LYZL1: variants seen among roughly 807,000 people sequenced by gnomAD.
LYZL1 encodes the protein lysozyme like 1.
In LYZL1, 16 loss-of-function variants were observed where a neutral mutation model predicts 17.9. The observed-to-expected ratio is 0.90, with a 90% confidence interval of 0.61 to 1.36. The LOEUF (loss-of-function observed/expected upper bound fraction) is 1.36, where lower values mean the gene tolerates loss of function less well. Among genes scored for constraint, LYZL1 ranks in the 40% most tolerant of loss-of-function variants. The probability of loss-of-function intolerance (pLI) is 0.00; values close to 1 mark genes in which losing one functional copy is unlikely to be tolerated. For synonymous variants in LYZL1, 58 were observed against 71.8 expected (o/e 0.81, Z 0.97); for missense variants, 149 against 188.4 (o/e 0.79, Z 1.22).
chr10:29,311,597 A>T (rs576310980), downstream of LYZL1, among the ~76,000 whole-genome samples: 1 of 152,206 alleles, frequency 6.6e-6, no homozygotes, highest in African/African-American at 2.4e-5. Context: ...ACTGTTTGAT[A>T]TTGAAATTCT....
chr10:29,300,580 T>C (rs1045371719), intron 3 of LYZL1, among the ~76,000 whole-genome samples: 2 of 152,214 alleles, frequency 1.3e-5, no homozygotes, highest in Non-Finnish European at 2.9e-5. Context: ...ATTTACTATT[T>C]CCAATACTCT....
At chr10:29,310,891 T>C in intron 4 of LYZL1, 99 bp from the exon 5 acceptor site, 1 of 1,583,770 alleles carries the variant, frequency 6.3e-7, no homozygotes, top group Non-Finnish European at 8.7e-7. Context: ...AACCCAGGGT[T>C]CCGCTGGCGA....
chr10:29,317,024 A>G (rs1196330271), intron 3 of LYZL1, among the ~76,000 whole-genome samples: 1 of 152,186 alleles, frequency 6.6e-6, no homozygotes, highest in African/African-American at 2.4e-5. Context: ...AGCCTCTTCC[A>G]GGTTTTTTAC....
At chr10:29,304,999 C>T (rs959258240) in intron 3 of LYZL1, among the ~76,000 whole-genome samples, 2 of 152,146 alleles carry the variant, frequency 1.3e-5, no homozygotes, top group Non-Finnish European at 2.9e-5. Context: ...ACTGCCCTGC[C>T]CCTAGTACAA....
rs1462824372 is a variant in LYZL1, at chr10:29,310,968, C to G, written c.378-22C>G. The G allele has an allele frequency of 1.9e-6, 3 of 1,614,082 alleles. No homozygotes were observed. In the African/African-American group the frequency reaches 4.0e-5, roughly 22 times the overall value. On this transcript the variant is annotated intron_variant, in intron 4 of 4. Transcript: ENST00000649382. ...GATTGTCACGCTTCTTTCTGCTGCT[C>G]CTGCTTCCCTCTCATCCTCAGGCAA...
intron 3 of LYZL1, among the ~76,000 whole-genome samples, chr10:29,300,953 C>G (rs1176038652): frequency 6.6e-6 from 1 of 152,040 alleles, no homozygotes; most frequent in African/African-American, 2.4e-5. Flanking sequence ...TCCCGAGTAG[C>G]TGGGACCACA....
chr10:29,307,085 C>G lies in LYZL1; in HGVS notation c.299-3025C>G, dbSNP rs1301354921. Reference sequence around the variant, plus strand: ...GCCAGGTTGGTCTCAAACTCCTGACCTCAAGTGATCCACCTGCCTCGGCCT... The same window carrying G: ...GCCAGGTTGGTCTCAAACTCCTGACGTCAAGTGATCCACCTGCCTCGGCCT... On this transcript the variant is annotated intron_variant, in intron 3 of 4. Transcript: ENST00000649382. Among the ~76,000 whole-genome samples, 2 of 152,090 alleles carry G rather than the reference C, an allele frequency of 1.3e-5. 1 individual carries two copies. Among genetic ancestry groups the G allele is most frequent in the Admixed American group, 1.3e-4 (2 of 15,264 alleles).
At chr10:29,289,954 C>T (rs1254551914) in intron 1 of LYZL1, among the ~76,000 whole-genome samples, 2 of 152,294 alleles carry the variant, frequency 1.3e-5, no homozygotes, top group East Asian at 1.9e-4. Flanking sequence ...CATACAAAAG[C>T]GGGCCTGGTT....
In LYZL1 at chr10:29,291,502, C is replaced by A. The variant is rs558484400; in HGVS notation, c.-25-341C>A. On this transcript the variant is annotated intron_variant, in intron 1 of 4. Coordinates refer to ENST00000649382, the MANE Select transcript of LYZL1 (RefSeq NM_032517.6). ...GGTCAGCAGTATAGGGAATGTTTCA[C>A]CCCTGTATTCTATTTTTCATTCATA... Among the ~76,000 whole-genome samples, 15 of 151,354 alleles carry A rather than the reference C, an allele frequency of 9.9e-5. No individual in the cohort carries two copies. In the East Asian group the frequency reaches 2.3e-3, roughly 24 times the overall value.
intron 4 of LYZL1, among the ~76,000 whole-genome samples, chr10:29,310,501 G>GA (rs59411669): frequency 0.1 from 14,459 of 141,866 alleles, 898 homozygotes; most frequent in African/African-American, 0.19. Context: ...TTCGAGAGAG[G>GA]AAAAAAAAAA....
At chr10:29,314,753 G>A (rs1396603333), downstream of LYZL1, among the ~76,000 whole-genome samples, 1 of 152,014 alleles carries the variant, frequency 6.6e-6, no homozygotes, top group Non-Finnish European at 1.5e-5. Flanking sequence ...TATTTCATAC[G>A]CTCCTCACAA....
chr10:29,310,255 T>A, intron 4 of LYZL1, 67 bp downstream of exon 4: 1 of 1,261,940 alleles, frequency 7.9e-7, no homozygotes, highest in East Asian at 2.3e-5. Flanking sequence ...TTTATCACAG[T>A]TATGGTGGAA....
At chr10:29,291,442 A>G (rs191906884) in intron 1 of LYZL1, among the ~76,000 whole-genome samples, 82 of 151,764 alleles carry the variant, frequency 5.4e-4, no homozygotes, top group African/African-American at 2.0e-3. Flanking sequence ...TCACGGATAA[A>G]TGGACCCACG....
chr10:29,309,690 C>T (rs1835644245), intron 3 of LYZL1, among the ~76,000 whole-genome samples: 1 of 152,096 alleles, frequency 6.6e-6, no homozygotes. Flanking sequence ...GAGATGGGAT[C>T]TTGCTACGTT....
At chr10:29,315,161 T>A (rs971770084), downstream of LYZL1, among the ~76,000 whole-genome samples, 1 of 152,226 alleles carries the variant, frequency 6.6e-6, no homozygotes, top group Non-Finnish European at 1.5e-5. Context: ...AAACTGGAAC[T>A]GTCAATAAAC....
chr10:29,292,295 C>T (rs1029746429), intron 2 of LYZL1, among the ~76,000 whole-genome samples: 10 of 151,370 alleles, frequency 6.6e-5, no homozygotes, highest in African/African-American at 2.2e-4. Flanking sequence ...GACTGTTGGT[C>T]TAGATTAGGC....
intron 4 of LYZL1, among the ~76,000 whole-genome samples, chr10:29,310,394 G>A (rs1004451220): frequency 6.6e-6 from 1 of 152,094 alleles, no homozygotes; most frequent in African/African-American, 2.4e-5. Flanking sequence ...CTTGGGATTG[G>A]GTTAAGATAA....
chr10:29,300,106 C>T (rs1343768232), intron 3 of LYZL1, among the ~76,000 whole-genome samples: 1 of 152,108 alleles, frequency 6.6e-6, no homozygotes, highest in Non-Finnish European at 1.5e-5. Flanking sequence ...GTGGGACATA[C>T]ATCGTGGAAC....
At chr10:29,311,891 G>A (rs193027330), downstream of LYZL1, among the ~76,000 whole-genome samples, 5 of 152,168 alleles carry the variant, frequency 3.3e-5, no homozygotes, top group African/African-American at 1.2e-4. Flanking sequence ...GGTGGGAGGT[G>A]GAGGTTACAG....
Sources: gnomAD v4.1 joint callset for allele counts (sites outside exome capture counted in the v4.1 genomes callset) on GRCh38, gnomAD v4.1.1 for gene constraint, MANE v1.5 for transcripts, NCBI Gene and HGNC (gene_info 2026-07-23, HGNC 2026-07-21) for gene names.